The following MROH9 variants were observed in gnomAD, a reference collection of about 807,000 sequenced individuals.
MROH9 encodes the protein maestro heat-like repeat-containing protein family member 9.
In MROH9, 92 loss-of-function variants were observed where a neutral mutation model predicts 98.2. The ratio of observed to expected loss-of-function variants is 0.94; its 90% CI spans 0.79 to 1.11. The LOEUF (loss-of-function observed/expected upper bound fraction) is 1.11. MROH9 is among the 50% of genes most tolerant of loss of function. The pLI is 0.00. For missense variants in MROH9, 1,057 were observed against 1,014.8 expected (o/e 1.04, Z -0.57); for synonymous variants, 397 against 368.9 (o/e 1.08, Z -0.87).
chr1:170,940,546 G>T (rs547531905), intron 1 of MROH9, among the ~76,000 whole-genome samples: 1 of 152,242 alleles, frequency 6.6e-6, no homozygotes, highest in Admixed American at 6.5e-5. Flanking sequence ...TACGGAAAGG[G>T]ATAGAGAAAA....
chr1:170,977,627 T>C (rs1315835569), intron 8 of MROH9, among the ~76,000 whole-genome samples: 9 of 152,160 alleles, frequency 5.9e-5, no homozygotes, highest in African/African-American at 2.2e-4. Flanking sequence ...GTGCTTCTTC[T>C]CAGTGCCCCG....
At chr1:170,988,443 AGTGGGAAAGAGCACTCAAAGGAAG>A (rs1651231899) in intron 10 of MROH9, among the ~76,000 whole-genome samples, 1 of 152,208 alleles carries the variant, frequency 6.6e-6, no homozygotes, top group Admixed American at 6.5e-5. Context: ...CTTCTAGTGA[AGTGGGAAAGAGCACTCAAAGGAAG>A]GTGAGATGAA....
intron 17 of MROH9, among the ~76,000 whole-genome samples, chr1:171,021,015 T>C (rs1351393808): frequency 2.6e-5 from 4 of 152,002 alleles, no homozygotes; most frequent in Non-Finnish European, 4.4e-5. Flanking sequence ...TCGCAATTGC[T>C]ACAAAGAGAA....
intron 11 of MROH9, among the ~76,000 whole-genome samples, chr1:170,991,951 T>A (rs1212626465): frequency 1.3e-5 from 2 of 152,198 alleles, no homozygotes; most frequent in African/African-American, 2.4e-5. Context: ...GTATTTTCCA[T>A]AAGGTTTTAT....
chr1:170,988,684 G>T (rs1472273746), intron 10 of MROH9, among the ~76,000 whole-genome samples: 3 of 152,164 alleles, frequency 2.0e-5, no homozygotes, highest in African/African-American at 2.4e-5. Context: ...TCTAAAATGA[G>T]TTATAAGGCT....
chr1:171,035,674 A>T (rs1015097909), intron 20 of MROH9, among the ~76,000 whole-genome samples: 11 of 152,180 alleles, frequency 7.2e-5, no homozygotes, highest in African/African-American at 2.7e-4. Flanking sequence ...ATAAAAAGAT[A>T]TTTGACTCCA....
At chr1:170,959,432 T>C (rs960838836) in intron 4 of MROH9, 30 bp from the exon 5 acceptor site, 14 of 1,559,468 alleles carry the variant, frequency 9.0e-6, no homozygotes, top group Non-Finnish European at 1.2e-5. Flanking sequence ...TGTTTTCTCA[T>C]CATTAATAAT....
chr1:171,016,084 A>T, intron 16 of MROH9, 79 bp from the exon 17 acceptor site: 2 of 1,010,896 alleles, frequency 2.0e-6, no homozygotes, highest in Non-Finnish European at 1.3e-6. Flanking sequence ...TGCCGCCCAG[A>T]CTCAAGGTAT....
intron 20 of MROH9, among the ~76,000 whole-genome samples, chr1:171,032,193 G>T (rs879784008): frequency 2.0e-5 from 3 of 152,068 alleles, no homozygotes; most frequent in Non-Finnish European, 4.4e-5. Flanking sequence ...TTTTATCAAA[G>T]TTCTTAGCTT....
chr1:170,990,117 C>T, intron 11 of MROH9, 114 bp downstream of exon 11: 1 of 1,114,454 alleles, frequency 9.0e-7, no homozygotes, highest in Non-Finnish European at 1.2e-6. Flanking sequence ...TTTCTTTTTT[C>T]TGAAAGAGAA....
At chr1:170,952,510 A>G (rs1649592845) in intron 3 of MROH9, among the ~76,000 whole-genome samples, 1 of 150,756 alleles carries the variant, frequency 6.6e-6, no homozygotes. Context: ...ACAAAAAACC[A>G]AACACTGCAT....
At chr1:171,024,221 G>A (rs1477000427) in intron 17 of MROH9, among the ~76,000 whole-genome samples, 174 bp from the exon 18 acceptor site, 1 of 151,420 alleles carries the variant, frequency 6.6e-6, no homozygotes, top group African/African-American at 2.4e-5. Context: ...TTGAACCCAA[G>A]GTGAATTTTT....
At chr1:171,006,520 A>G (rs1395935839) in intron 15 of MROH9, among the ~76,000 whole-genome samples, 1 of 151,622 alleles carries the variant, frequency 6.6e-6, no homozygotes, top group East Asian at 1.9e-4. Context: ...TCCTCCCCCA[A>G]CTTCTGGAAC....
chr1:170,981,550 T>C (rs1193642315), intron 8 of MROH9, among the ~76,000 whole-genome samples: 1 of 151,070 alleles, frequency 6.6e-6, no homozygotes, highest in Admixed American at 6.6e-5. Flanking sequence ...TAAGTGGGAG[T>C]TGAGCATTGA....
At chr1:170,942,498 T>G (rs568603921) in intron 1 of MROH9, among the ~76,000 whole-genome samples, 1 of 152,146 alleles carries the variant, frequency 6.6e-6, no homozygotes, top group South Asian at 2.1e-4. Context: ...CCTGTGAAAA[T>G]TTTTAAGAAA....
chr1:170,957,884 C>T (rs887593919), intron 3 of MROH9, among the ~76,000 whole-genome samples: 3 of 151,130 alleles, frequency 2.0e-5, no homozygotes, highest in African/African-American at 7.3e-5. Flanking sequence ...TCTCGGCTCA[C>T]TGCAAGCTCT....
At chr1:171,026,440 A>C (rs1010894106) in intron 20 of MROH9, among the ~76,000 whole-genome samples, 10 of 151,992 alleles carry the variant, frequency 6.6e-5, no homozygotes, top group African/African-American at 2.2e-4. Flanking sequence ...ACGCCTGGCT[A>C]TTCTTGTATT....
chr1:171,013,986 C>G lies in MROH9; in HGVS notation c.1597-131C>G. The G allele has an allele frequency of 5.5e-6, 4 of 724,920 alleles. No individual in the cohort carries two copies. In the East Asian group the frequency reaches 1.1e-4, roughly 20 times the overall value. The allele number at this position is 724,920 out of a possible 1,614,324, so 44.9% of individuals were successfully genotyped here. ...TTGTCTCTCCCCACTGCTGTGAGCA[C>G]TGAAATATATGTATTTGATGTTTTA... On this transcript the variant is annotated intron_variant, in intron 15 of 21. Coordinates refer to ENST00000367759, the MANE Select transcript of MROH9 (RefSeq NM_001163629.2).
chr1:170,965,652 TTTCA>T (rs1323335638), intron 7 of MROH9, among the ~76,000 whole-genome samples: 1 of 152,120 alleles, frequency 6.6e-6, no homozygotes, highest in Non-Finnish European at 1.5e-5. Flanking sequence ...CCTCAAGTTC[TTTCA>T]TTGTGAAACA....
Sources: gnomAD v4.1 joint callset for allele counts (sites outside exome capture counted in the v4.1 genomes callset) on GRCh38, gnomAD v4.1.1 for gene constraint, MANE v1.5 for transcripts, NCBI Gene and HGNC (gene_info 2026-07-23, HGNC 2026-07-21) for gene names.